The following DOCK2 variants were observed in gnomAD, a reference collection of about 807,000 sequenced individuals.
DOCK2 encodes the protein dedicator of cytokinesis 2.
In DOCK2, 87 loss-of-function variants were observed where a neutral mutation model predicts 248.9. That is an observed-to-expected ratio of 0.35 (90% CI 0.29 to 0.42). The LOEUF is 0.42. Ranked by LOEUF, DOCK2 falls within the 10% of genes least tolerant of loss-of-function variation. The pLI is 1.00. For synonymous variants in DOCK2, 805 were observed against 821.6 expected, an observed-to-expected ratio of 0.98 and a Z score of 0.35; for missense variants, 1,747 against 2,300.2, an observed-to-expected ratio of 0.76 and a Z score of 4.92.
intron 27 of DOCK2, among the ~76,000 whole-genome samples, chr5:169,919,270 G>A (rs933649162): frequency 2.6e-5 from 4 of 152,140 alleles, no homozygotes; most frequent in African/African-American, 9.7e-5. Flanking sequence ...GCAGAGGTGG[G>A]GCCCAAATGA....
intron 22 of DOCK2, among the ~76,000 whole-genome samples, chr5:169,747,148 G>T (rs1763656984): frequency 6.6e-6 from 1 of 152,052 alleles, no homozygotes; most frequent in South Asian, 2.1e-4. Flanking sequence ...GGGTTTCCTT[G>T]GGGTTTAAAA....
chr5:169,720,798 A>G (rs759292087), intron 22 of DOCK2, among the ~76,000 whole-genome samples: 6 of 152,164 alleles, frequency 3.9e-5, no homozygotes, highest in Non-Finnish European at 7.3e-5. Flanking sequence ...TGGCACAATC[A>G]TGGCTCACTG....
At chr5:169,815,472 C>T (rs1768008762) in intron 26 of DOCK2, among the ~76,000 whole-genome samples, 1 of 152,190 alleles carries the variant, frequency 6.6e-6, no homozygotes, top group Non-Finnish European at 1.5e-5. Flanking sequence ...TCCTCAATCT[C>T]ATACCCTTCT....
intron 29 of DOCK2, among the ~76,000 whole-genome samples, chr5:169,987,267 C>A (rs1778091675): frequency 6.6e-6 from 1 of 152,242 alleles, no homozygotes; most frequent in African/African-American, 2.4e-5. Context: ...TGAGGCCACT[C>A]TTCAAAGGTC....
chr5:170,046,699 A>G (rs180706752), intron 39 of DOCK2, among the ~76,000 whole-genome samples: 196 of 152,202 alleles, frequency 1.3e-3, no homozygotes, highest in African/African-American at 4.4e-3. Flanking sequence ...ACCAAGAGAC[A>G]CCTAATACCT....
At chr5:169,793,221 A>G (rs1471340519) in intron 25 of DOCK2, among the ~76,000 whole-genome samples, 2 of 152,208 alleles carry the variant, frequency 1.3e-5, no homozygotes, top group Non-Finnish European at 2.9e-5. Context: ...TTACACAGGT[A>G]TGTAGCACAT....
intron 33 of DOCK2, among the ~76,000 whole-genome samples, chr5:170,023,200 G>A (rs1755790999): frequency 6.6e-6 from 1 of 152,126 alleles, no homozygotes; most frequent in African/African-American, 2.4e-5. Context: ...AGATCCCAGA[G>A]AGAATTCTTC....
Position 170,083,217 on chromosome 5 carries a change from A to C in DOCK2, c.*359A>C. On this transcript the variant is annotated 3_prime_UTR_variant, in exon 52 of 52. Transcript: ENST00000520908. ...TCTCATTTATTAAGTCTCAGAACTTAACAGAAAAGGAAGCCTTTTAAATAT... is the reference window on the plus strand; with the variant it reads ...TCTCATTTATTAAGTCTCAGAACTTCACAGAAAAGGAAGCCTTTTAAATAT... The C allele has an allele frequency of 5.1e-6, 1 of 197,654 alleles. No homozygotes were observed. The highest frequency in any genetic ancestry group is 1.0e-5 in the Non-Finnish European group (1 of 98,226). 12.2% of individuals were successfully genotyped at this position (197,654 alleles called of 1,614,324 possible).
At chr5:170,071,765 G>T in intron 46 of DOCK2, among the ~76,000 whole-genome samples, 1 of 151,768 alleles carries the variant, frequency 6.6e-6, no homozygotes, top group African/African-American at 2.4e-5. Context: ...TCATTTCCTT[G>T]CTTTAAAAAA....
rs78583428 is a variant in DOCK2 at position 169,699,566 on chromosome 5, C to T, written c.1132+108C>T. 6.9e-3 allele frequency: 7,356 copies of T among 1,065,280 alleles called. 35 individuals are homozygous for T. Among genetic ancestry groups the T allele is most frequent in the Middle Eastern group, 9.9e-3 (47 of 4,740 alleles). 66.0% of individuals were successfully genotyped at this position (1,065,280 alleles called of 1,614,324 possible). Reference sequence around the variant, plus strand: ...ACCCTGGGATACTTAGCTTTCCTTCCAGACAGACCACTGGGAAGAATGGGA... The same window carrying T: ...ACCCTGGGATACTTAGCTTTCCTTCTAGACAGACCACTGGGAAGAATGGGA... On this transcript the variant is annotated intron_variant, in intron 12 of 51. Coordinates refer to ENST00000520908, the MANE Select transcript of DOCK2 (RefSeq NM_004946.3).
chr5:169,911,619 C>T (rs1053192375), intron 27 of DOCK2, among the ~76,000 whole-genome samples: 1 of 152,200 alleles, frequency 6.6e-6, no homozygotes, highest in South Asian at 2.1e-4. Flanking sequence ...GGTGCTAAAT[C>T]AATACTCATA....
chr5:169,883,494 GT>G, intron 27 of DOCK2: 1 of 1,551,616 alleles, frequency 6.4e-7, no homozygotes, highest in Non-Finnish European at 8.7e-7. Flanking sequence ...AGAGGTTACC[GT>G]TGACCTGGAT....
chr5:169,846,659 C>CAT (rs147496362), intron 27 of DOCK2, among the ~76,000 whole-genome samples: 16 of 151,104 alleles, frequency 1.1e-4, no homozygotes, highest in East Asian at 7.8e-4. Flanking sequence ...TATACACACA[C>CAT]ATATATATAT....
At chr5:169,741,744 C>T (rs1176458320) in intron 22 of DOCK2, among the ~76,000 whole-genome samples, 1 of 151,570 alleles carries the variant, frequency 6.6e-6, no homozygotes, top group East Asian at 1.9e-4. Flanking sequence ...CACTGACTTG[C>T]TCTTGTTCCT....
intron 27 of DOCK2, among the ~76,000 whole-genome samples, chr5:169,955,076 C>T (rs1227253810): frequency 6.6e-6 from 1 of 152,234 alleles, no homozygotes. Flanking sequence ...GAGCTAAGCA[C>T]TTTTGTGCCC....
chr5:169,901,480 G>A (rs261054), intron 27 of DOCK2, among the ~76,000 whole-genome samples: 30,672 of 152,002 alleles, frequency 0.2, 4,461 homozygotes, highest in African/African-American at 0.41. Flanking sequence ...ATATTAACAC[G>A]TTTGCATTTT....
intron 27 of DOCK2, among the ~76,000 whole-genome samples, chr5:169,920,439 A>G (rs1775112565): frequency 6.6e-6 from 1 of 152,166 alleles, no homozygotes; most frequent in Non-Finnish European, 1.5e-5. Flanking sequence ...GATTTGGCAA[A>G]GTTTGTAAGG....
chr5:169,781,309 G>A (rs1038483860), intron 25 of DOCK2, among the ~76,000 whole-genome samples: 3 of 152,190 alleles, frequency 2.0e-5, no homozygotes, highest in African/African-American at 7.2e-5. Context: ...AAACAACATT[G>A]AATGAAACGA....
chr5:170,075,885 G>A (rs1474318765), intron 46 of DOCK2, 62 bp from the exon 47 acceptor site: 29 of 1,597,488 alleles, frequency 1.8e-5, no homozygotes, highest in South Asian at 4.5e-5. Context: ...CTTGATGGGC[G>A]GGGTGCCAGG....
Sources: allele counts gnomAD v4.1 joint callset (sites outside exome capture counted in the v4.1 genomes callset), GRCh38; gene constraint gnomAD v4.1.1; transcripts MANE v1.5; gene names NCBI Gene and HGNC (gene_info 2026-07-23, HGNC 2026-07-21).